Variants in LIPA observed in about 807,000 individuals in gnomAD.
LIPA encodes lysosomal acid lipase/cholesteryl ester hydrolase.
A neutral mutation model predicts 40.6 loss-of-function variants in LIPA; 26 were observed. The observed-to-expected ratio is 0.64, with a 90% CI of 0.47 to 0.89. The LOEUF is 0.89. Ranked by LOEUF, LIPA falls within the 40% of genes least tolerant of loss-of-function variation. The pLI, the probability that LIPA is intolerant of heterozygous loss-of-function variation, is 0.00. For synonymous variants in LIPA, 188 were observed against 168.4 expected, an observed-to-expected ratio of 1.12 and a Z score of -0.90; for missense variants, 455 against 479.6, an observed-to-expected ratio of 0.95 and a Z score of 0.48.
intron 1 of LIPA, chr10:89,308,788 TAAC>T (rs1169136201): frequency 2.0e-5 from 3 of 152,258 alleles, no homozygotes; most frequent in African/African-American, 7.2e-5. Context: ...CTAACCACTG[TAAC>T]AACAGTTTTT....
chr10:89,360,987 C>G (rs933561363), intron 2 of LIPA, among the ~76,000 whole-genome samples: 3 of 152,140 alleles, frequency 2.0e-5, no homozygotes, highest in African/African-American at 4.8e-5. Context: ...GTTTTTATAT[C>G]TTCCCTCCGT....
chr10:89,339,693 A>T (rs1299699069), intron 1 of LIPA: 1 of 1,614,210 alleles, frequency 6.2e-7, no homozygotes, highest in East Asian at 2.2e-5. Context: ...GTTATCAGAC[A>T]CCATTCAATA....
chr10:89,383,627 A>G, intron 2 of LIPA: 1 of 1,614,276 alleles, frequency 6.2e-7, no homozygotes, highest in East Asian at 2.2e-5. Flanking sequence ...GCCTGGGTGT[A>G]TTACCACATG....
chr10:89,327,911 C>A, intron 1 of LIPA: 1 of 599,288 alleles, frequency 1.7e-6, no homozygotes, highest in South Asian at 2.2e-5. Flanking sequence ...CCCCTAAAAG[C>A]AATTACTCAA....
chr10:89,319,565 A>C (rs1299007669), intron 1 of LIPA, among the ~76,000 whole-genome samples: 2 of 152,226 alleles, frequency 1.3e-5, no homozygotes, highest in Admixed American at 1.3e-4. Context: ...TTGAGGCAAT[A>C]ATTAATAGCC....
chr10:89,307,024 C>A (rs558689246), intron 1 of LIPA: 3 of 1,614,022 alleles, frequency 1.9e-6, no homozygotes, highest in Non-Finnish European at 1.7e-6. Context: ...CAGAGTATTA[C>A]TTCCAAAAGG....
At chr10:89,301,232 C>T in intron 1 of LIPA, among the ~76,000 whole-genome samples, 1 of 152,214 alleles carries the variant, frequency 6.6e-6, no homozygotes, top group East Asian at 1.9e-4. Context: ...ACTGCCCATG[C>T]TTCTAATCAT....
At chr10:89,387,143 C>T (rs1411181581) in intron 2 of LIPA, among the ~76,000 whole-genome samples, 3 of 151,898 alleles carry the variant, frequency 2.0e-5, no homozygotes, top group Non-Finnish European at 4.4e-5. Context: ...AGTGAAACCC[C>T]GCCTCTACTA....
chr10:89,241,782 A>C (rs901160232), intron 3 of LIPA, among the ~76,000 whole-genome samples: 1 of 152,132 alleles, frequency 6.6e-6, no homozygotes, highest in African/African-American at 2.4e-5. Flanking sequence ...TTTCAGATAC[A>C]AATGTGCCAC....
chr10:89,385,267 A>T (rs1844202323), intron 2 of LIPA: 1 of 153,440 alleles, frequency 6.5e-6, no homozygotes, highest in African/African-American at 2.4e-5. Flanking sequence ...GCCTTCAAAA[A>T]TGTATAGTCT....
At chr10:89,308,292 T>C (rs534653178) in intron 1 of LIPA, 2 of 152,250 alleles carry the variant, frequency 1.3e-5, no homozygotes, top group African/African-American at 2.4e-5. Context: ...ATGGAGAAAT[T>C]TGCAGTATTT....
intron 1 of LIPA, chr10:89,306,758 G>A (rs773199281): frequency 3.7e-6 from 6 of 1,614,088 alleles, no homozygotes; most frequent in Non-Finnish European, 5.1e-6. Context: ...CAAAGCGATT[G>A]AACTGCTTAA....
chr10:89,270,305 G>A (rs1843258861), intron 1 of LIPA, among the ~76,000 whole-genome samples: 2 of 152,152 alleles, frequency 1.3e-5, no homozygotes, highest in Non-Finnish European at 2.9e-5. Context: ...ATTTTTACCT[G>A]CCAAAACTTA....
intron 2 of LIPA, among the ~76,000 whole-genome samples, chr10:89,347,798 A>C (rs1204826586): frequency 6.6e-6 from 1 of 152,228 alleles, no homozygotes; most frequent in Non-Finnish European, 1.5e-5. Flanking sequence ...AGGCCAGGAA[A>C]GTAAAGTGGA....
chr10:89,337,417 T>C lies in LIPA; in HGVS notation c.-2+5194A>G, dbSNP rs545554035. Among the ~76,000 whole-genome samples, 7 of 152,308 alleles carry C rather than the reference T, an allele frequency of 4.6e-5. No individual in the cohort carries two copies. The East Asian group carries it at 1.3e-3, about 29-fold the overall frequency. ...TTTTTATTCTTACTTTTATTTTTTT[T>C]GAGGCAGGGTCCCACTCTATCACCC... On this transcript the variant is annotated intron_variant, in intron 1 of 5. Coordinates refer to the LIPA transcript ENST00000282673.
chr10:89,304,093 T>G (rs1487588464), intron 1 of LIPA, among the ~76,000 whole-genome samples: 1 of 152,182 alleles, frequency 6.6e-6, no homozygotes, highest in African/African-American at 2.4e-5. Context: ...CCTCTGTTTC[T>G]TGGAACAAAT....
At chr10:89,262,785 A>G (rs1468514428) in intron 1 of LIPA, among the ~76,000 whole-genome samples, 1 of 152,108 alleles carries the variant, frequency 6.6e-6, no homozygotes, top group Admixed American at 6.5e-5. Flanking sequence ...TATTAAACGT[A>G]TTTTTCATAT....
intron 1 of LIPA, among the ~76,000 whole-genome samples, chr10:89,267,723 G>A (rs1352709285): frequency 3.7e-5 from 3 of 80,808 alleles, no homozygotes; most frequent in African/African-American, 4.6e-5. Flanking sequence ...AAAACTTAAA[G>A]TATAATAAAA....
intron 5 of LIPA, among the ~76,000 whole-genome samples, chr10:89,225,972 T>C (rs1554865703): frequency 6.6e-6 from 1 of 152,188 alleles, no homozygotes. Context: ...TCACAATCCA[T>C]TAAACTGTGA....
Sources: allele counts gnomAD v4.1 joint callset (sites outside exome capture counted in the v4.1 genomes callset), GRCh38; gene constraint gnomAD v4.1.1; transcripts MANE v1.5; gene names NCBI Gene and HGNC (gene_info 2026-07-23, HGNC 2026-07-21).